TRAF3IP1: variants seen among roughly 807,000 people sequenced by gnomAD.
The protein encoded by TRAF3IP1 is TRAF3-interacting protein 1.
TRAF3IP1 carries 53 observed loss-of-function variants against 89.9 expected under a neutral mutation model. The ratio of observed to expected loss-of-function variants is 0.59; its 90% CI spans 0.47 to 0.74. The LOEUF is 0.74. Among genes scored for constraint, TRAF3IP1 ranks in the 30% least tolerant of loss-of-function variants. The pLI is 0.00. For synonymous variants in TRAF3IP1, 311 were observed against 322.1 expected (o/e 0.97, Z 0.37); for missense variants, 806 against 866.1 (o/e 0.93, Z 0.87).
intron 5 of TRAF3IP1, 64 bp from the exon 6 acceptor site, chr2:238,332,760 G>A: frequency 8.2e-7 from 1 of 1,217,478 alleles, no homozygotes; most frequent in South Asian, 1.3e-5. Context: ...AAATATCTTG[G>A]CATATTTTTA....
chr2:238,348,651 T>A lies in TRAF3IP1; in HGVS notation c.1283-113T>A. 3 of 898,684 alleles carry A rather than the reference T, an allele frequency of 3.3e-6. No individual in the cohort carries two copies. The South Asian group carries it at 4.8e-5, about 14-fold the overall frequency. The allele number at this position is 898,684 out of a possible 1,614,324, so 55.7% of individuals were successfully genotyped here. A position where few individuals can be genotyped will look rare whatever the true frequency, so the allele number is the denominator to read the frequency against. On this transcript the variant is annotated intron_variant, in intron 10 of 16. Coordinates refer to ENST00000373327, the MANE Select transcript of TRAF3IP1 (RefSeq NM_015650.4). ...AAAATTGCTCATTTGTATTTGCAATTACAAATGTATTTGATTGCAAATAAC... is the reference window on the plus strand; with the variant it reads ...AAAATTGCTCATTTGTATTTGCAATAACAAATGTATTTGATTGCAAATAAC...
At chr2:238,332,971 G>C in intron 6 of TRAF3IP1, 76 bp downstream of exon 6, 6 of 1,118,744 alleles carry the variant, frequency 5.4e-6, no homozygotes, top group Non-Finnish European at 8.1e-6. Flanking sequence ...TGCGCTCCCC[G>C]GGTCCACTGA....
intron 15 of TRAF3IP1, 39 bp from the exon 16 acceptor site, chr2:238,397,420 A>C: frequency 6.3e-7 from 1 of 1,591,332 alleles, no homozygotes; most frequent in East Asian, 2.2e-5. Context: ...CTTTGGACTG[A>C]GGAGGCGTGT....
intron 5 of TRAF3IP1, 136 bp from the exon 6 acceptor site, chr2:238,332,688 C>T: frequency 1.5e-6 from 1 of 665,014 alleles, no homozygotes; most frequent in Non-Finnish European, 2.6e-6. Flanking sequence ...GCGATCAGAG[C>T]TGGACTGGCG....
At chr2:238,326,972 A>G (rs1249172415) in intron 3 of TRAF3IP1, among the ~76,000 whole-genome samples, 1 of 152,172 alleles carries the variant, frequency 6.6e-6, no homozygotes, top group African/African-American at 2.4e-5. Flanking sequence ...CTTTCTAAAA[A>G]GCACATCTGG....
chr2:238,324,370 A>C (rs1225820995), intron 1 of TRAF3IP1, among the ~76,000 whole-genome samples: 6 of 151,740 alleles, frequency 4.0e-5, no homozygotes, highest in Non-Finnish European at 7.4e-5. Context: ...GCCCAGCCAA[A>C]GTTCCTTTTC....
intron 15 of TRAF3IP1, among the ~76,000 whole-genome samples, chr2:238,368,250 AACAATGGC>A (rs1160641758): frequency 6.6e-6 from 1 of 152,226 alleles, no homozygotes; most frequent in Non-Finnish European, 1.5e-5. Flanking sequence ...AAATGGACGA[AACAATGGC>A]ACAACTTTAT....
chr2:238,375,293 T>C (rs1398611951), intron 15 of TRAF3IP1, among the ~76,000 whole-genome samples: 1 of 152,260 alleles, frequency 6.6e-6, no homozygotes, highest in South Asian at 2.1e-4. Flanking sequence ...CTCTACACAC[T>C]GCTTTAAATG....
chr2:238,344,367 C>A, intron 8 of TRAF3IP1, 130 bp from the exon 9 acceptor site: 1 of 734,498 alleles, frequency 1.4e-6, no homozygotes, highest in Non-Finnish European at 2.3e-6. Flanking sequence ...TTTGGTCAGT[C>A]CTTTGTCAGT....
At chr2:238,358,408 C>T (rs955601645) in intron 15 of TRAF3IP1, among the ~76,000 whole-genome samples, 2 of 152,168 alleles carry the variant, frequency 1.3e-5, no homozygotes, top group African/African-American at 4.8e-5. Context: ...TGGTGGTGCA[C>T]ACTTGTAGTC....
chr2:238,339,859 C>G (rs975379382), intron 8 of TRAF3IP1, among the ~76,000 whole-genome samples: 8 of 152,258 alleles, frequency 5.3e-5, no homozygotes, highest in Admixed American at 4.6e-4. Context: ...TGAAATCATT[C>G]TCCAGACACG....
At position 238,399,316 on chromosome 2, in the gene TRAF3IP1, C is replaced by G. The variant is rs975851972; in HGVS notation, c.*397C>G. 6.4e-6 allele frequency: 1 copy of G among 156,884 alleles called. No individual in the cohort carries two copies. The highest frequency in any genetic ancestry group is 1.4e-5 in the Non-Finnish European group (1 of 71,084). The allele number at this position is 156,884 out of a possible 1,614,324, so 9.7% of individuals were successfully genotyped here. ...TGGAAAGACTTTCAGAGGTCAGTGC[C>G]GAATGAAGGATGACTGTGTACTTTT... On this transcript the variant is annotated 3_prime_UTR_variant, in exon 17 of 17. Transcript: ENST00000373327.
intron 15 of TRAF3IP1, among the ~76,000 whole-genome samples, chr2:238,373,796 T>A (rs1419720826): frequency 6.6e-6 from 1 of 152,210 alleles, no homozygotes; most frequent in Non-Finnish European, 1.5e-5. Flanking sequence ...GTTTGTGTCT[T>A]CTTTTATTTA....
intron 8 of TRAF3IP1, among the ~76,000 whole-genome samples, chr2:238,343,368 G>A (rs1698745389): frequency 6.6e-6 from 1 of 152,112 alleles, no homozygotes; most frequent in Admixed American, 6.5e-5. Flanking sequence ...ATAGGCGTGA[G>A]CCACCACACC....
At chr2:238,365,465 A>G (rs1306743971) in intron 15 of TRAF3IP1, among the ~76,000 whole-genome samples, 1 of 152,112 alleles carries the variant, frequency 6.6e-6, no homozygotes, top group African/African-American at 2.4e-5. Flanking sequence ...GTTAGATACC[A>G]GCCTGGGCAA....
At chr2:238,364,147 A>G (rs1410041429) in intron 15 of TRAF3IP1, among the ~76,000 whole-genome samples, 1 of 152,030 alleles carries the variant, frequency 6.6e-6, no homozygotes, top group Non-Finnish European at 1.5e-5. Flanking sequence ...TAGTCTTGAT[A>G]CTTTTTATTT....
intron 15 of TRAF3IP1, among the ~76,000 whole-genome samples, chr2:238,366,668 A>G (rs943912153): frequency 2.0e-5 from 3 of 152,098 alleles, no homozygotes; most frequent in African/African-American, 7.2e-5. Context: ...TTGTGGCCTG[A>G]TAGGTTATTT....
intron 15 of TRAF3IP1, among the ~76,000 whole-genome samples, chr2:238,381,658 C>T (rs1574965834): frequency 6.6e-6 from 1 of 152,294 alleles, no homozygotes; most frequent in East Asian, 1.9e-4. Flanking sequence ...CTGCACTTGT[C>T]CCTGATGGGA....
At chr2:238,389,888 G>C (rs1700924597) in intron 15 of TRAF3IP1, among the ~76,000 whole-genome samples, 1 of 152,070 alleles carries the variant, frequency 6.6e-6, no homozygotes, top group South Asian at 2.1e-4. Flanking sequence ...AAAATCACTA[G>C]AAGTGCAAAT....
Sources: gnomAD v4.1 joint callset for allele counts (sites outside exome capture counted in the v4.1 genomes callset) on GRCh38, gnomAD v4.1.1 for gene constraint, MANE v1.5 for transcripts, NCBI Gene and HGNC (gene_info 2026-07-23, HGNC 2026-07-21) for gene names.